ITSN1: variants seen among roughly 807,000 people sequenced by gnomAD.
ITSN1 encodes the protein intersectin 1.
In ITSN1, 58 loss-of-function variants were observed where a neutral mutation model predicts 239.8. The observed-to-expected ratio is 0.24, with a 90% CI of 0.20 to 0.30. The LOEUF (loss-of-function observed/expected upper bound fraction) is 0.30, where lower values mean the gene tolerates loss of function less well. Ranked by LOEUF, ITSN1 falls within the 10% of genes least tolerant of loss-of-function variation. The probability of loss-of-function intolerance (pLI) is 1.00; values close to 1 mark genes in which losing one functional copy is unlikely to be tolerated. For synonymous variants in ITSN1, 780 were observed against 770.8 expected (o/e 1.01, Z -0.20); for missense variants, 1,558 against 2,103.3 (o/e 0.74, Z 5.07).
intron 29 of ITSN1, among the ~76,000 whole-genome samples, chr21:33,844,760 C>T (rs1038109716): frequency 2.0e-5 from 3 of 152,090 alleles, no homozygotes; most frequent in African/African-American, 7.2e-5. Flanking sequence ...ATGCCTCTTT[C>T]CTCTCTGGAG....
intron 24 of ITSN1, among the ~76,000 whole-genome samples, chr21:33,819,839 G>A (rs1168724361): frequency 1.3e-5 from 2 of 151,738 alleles, no homozygotes; most frequent in African/African-American, 2.4e-5. Context: ...AAAATTAGCC[G>A]GGCGCGGTGG....
chr21:33,753,963 A>G (rs1000748240), intron 7 of ITSN1, among the ~76,000 whole-genome samples: 1 of 152,054 alleles, frequency 6.6e-6, no homozygotes, highest in African/African-American at 2.4e-5. Context: ...TTTCTAGCCA[A>G]TTTTTGCAAT....
At chr21:33,668,120 A>G (rs1206906176) in intron 1 of ITSN1, among the ~76,000 whole-genome samples, 1 of 152,192 alleles carries the variant, frequency 6.6e-6, no homozygotes, top group African/African-American at 2.4e-5. Flanking sequence ...TTGGAGCAAG[A>G]TGCATTTTCA....
intron 29 of ITSN1, among the ~76,000 whole-genome samples, chr21:33,845,078 A>C (rs2074949252): frequency 6.6e-6 from 1 of 151,944 alleles, no homozygotes; most frequent in African/African-American, 2.4e-5. Context: ...GGCCGTGCTC[A>C]GCAGAACACA....
chr21:33,748,772 G>A (rs1050763944), intron 5 of ITSN1, among the ~76,000 whole-genome samples: 1 of 151,902 alleles, frequency 6.6e-6, no homozygotes, highest in East Asian at 1.9e-4. Flanking sequence ...GGCTGAGCTG[G>A]GACGATCGCT....
chr21:33,790,882 G>A lies in ITSN1; in HGVS notation c.1825-3459G>A, dbSNP rs2071075649. Among the ~76,000 whole-genome samples, 6 of 152,040 alleles carry A rather than the reference G, an allele frequency of 3.9e-5. No homozygotes were observed. In the South Asian group the frequency reaches 1.2e-3, roughly 32 times the overall value. The stretch of plus-strand genomic sequence containing the variant: ...ACTTTGAATTTTTTTCTTTCTGAAG[G>A]AGTTAAAAGGATACTTCTTAATAAC... On this transcript the variant is annotated intron_variant, in intron 16 of 39. Transcript: ENST00000381318.
chr21:33,782,009 C>T lies in ITSN1; in HGVS notation c.1700C>T (p.Thr567Ile), dbSNP rs766425642. 1.2e-6 allele frequency: 2 copies of T among 1,603,656 alleles called. No homozygotes were observed. The highest frequency in any genetic ancestry group is 1.7e-6 in the Non-Finnish European group (2 of 1,177,562). ...TCTAAAATAGGAGATTCACTTGTTA[C>T]ACTTAAAAGAGCCTTAGAAGCAAAA... ...QNSLHRDSLVTLKRALEAKEL... is the reference protein window; with the variant it reads ...QNSLHRDSLVILKRALEAKEL... Residue 567 changes from threonine (T) to isoleucine (I), a missense_variant, in exon 16 of 40, where the codon ACA becomes ATA. By Grantham distance (89) the Thr-to-Ile change is moderately conservative. Around this residue, in one of 2 missense-constraint regions of ITSN1, gnomAD observed 982 missense variants for 1,209.9 expected, o/e 0.81. Transcript: ENST00000381318.
rs144686734 is a variant in ITSN1 at position 33,673,287 on chromosome 21, T to G, written c.-33+30574T>G. 7.7e-3 allele frequency among the ~76,000 whole-genome samples: 1,169 copies of G among 152,274 alleles called. 9 individuals carry two copies. The highest frequency in any genetic ancestry group is 0.029 in the South Asian group (140 of 4,828). On this transcript the variant is annotated intron_variant, in intron 1 of 39. Coordinates refer to ENST00000381318, the MANE Select transcript of ITSN1 (RefSeq NM_003024.3). ...TGGGAGATGTAGGTCAAAGTTGCAG[T>G]TACATAGGATGAATAAAACTAGAGA... is the stretch of plus-strand genomic sequence containing the variant.
At chr21:33,837,588 G>A (rs1228512154) in intron 29 of ITSN1, 1 of 985,874 alleles carries the variant, frequency 1.0e-6, no homozygotes, top group Non-Finnish European at 1.2e-6. Context: ...TATAGAATGA[G>A]CCCAATTAAA....
chr21:33,801,387 G>T (rs956765009), intron 19 of ITSN1, among the ~76,000 whole-genome samples: 2 of 152,186 alleles, frequency 1.3e-5, no homozygotes, highest in African/African-American at 4.8e-5. Context: ...ATGAATTCCT[G>T]TGTCCCCTTT....
At chr21:33,710,620 G>C (rs2146950157) in intron 1 of ITSN1, among the ~76,000 whole-genome samples, 1 of 151,606 alleles carries the variant, frequency 6.6e-6, no homozygotes, top group African/African-American at 2.4e-5. Flanking sequence ...TAGGGATCTT[G>C]TTCTATTATT....
Position 33,897,559 on chromosome 21 carries a change from T to C in ITSN1, c.*9259T>C, listed in dbSNP as rs1986855399. On this transcript the variant is annotated 3_prime_UTR_variant, in exon 40 of 40. Coordinates refer to ENST00000381318, the MANE Select transcript of ITSN1 (RefSeq NM_003024.3). ...AAGGGAAAAGGTTGTATTCATTTCA[T>C]GTTCCTCATGAAATCTCTGCTGTAT... 1 of 152,252 alleles carries C rather than the reference T, an allele frequency of 6.6e-6. No homozygotes were observed. The highest frequency in any genetic ancestry group is 2.4e-5 in the African/African-American group (1 of 41,472). 9.4% of individuals were successfully genotyped at this position (152,252 alleles called of 1,614,324 possible). A position where few individuals can be genotyped will look rare whatever the true frequency, so the allele number is the denominator to read the frequency against.
At chr21:33,825,830 A>G (rs903286657) in intron 25 of ITSN1, among the ~76,000 whole-genome samples, 1 of 152,152 alleles carries the variant, frequency 6.6e-6, no homozygotes, top group Non-Finnish European at 1.5e-5. Flanking sequence ...TTTAACCCGA[A>G]CTTTTCCTGG....
rs766906123 is a variant in ITSN1, at chr21:33,883,624, C to T, written c.4629C>T (p.Ser1543=). 4 of 1,613,782 alleles carry T rather than the reference C, an allele frequency of 2.5e-6. No homozygotes were observed. Among genetic ancestry groups the T allele is most frequent in the Non-Finnish European group, 2.5e-6 (3 of 1,179,838 alleles). Reference sequence around the variant, plus strand: ...GAGACGAGCCCATCTTCCACATCTCCCACATTGACCGCGTCTATACTCTCC... The same window carrying T: ...GAGACGAGCCCATCTTCCACATCTCTCACATTGACCGCGTCTATACTCTCC... ...PSGDEPIFHI[S]HIDRVYTLRA... The change falls in exon 36 of 40, where the codon TCC becomes TCT. Residue 1543 remains serine (S), a synonymous_variant. Transcript: ENST00000381318.
chr21:33,743,585 C>T (rs928970826), intron 5 of ITSN1, among the ~76,000 whole-genome samples: 2 of 152,064 alleles, frequency 1.3e-5, no homozygotes, highest in South Asian at 2.1e-4. Flanking sequence ...GAAAACTAAA[C>T]CAATGGAATA....
intron 1 of ITSN1, among the ~76,000 whole-genome samples, chr21:33,693,355 T>G (rs972090440): frequency 6.6e-6 from 1 of 151,464 alleles, no homozygotes; most frequent in African/African-American, 2.4e-5. Context: ...TTGTTTTGTT[T>G]TTTTTGGTGG....
chr21:33,797,396 A>G lies in ITSN1; in HGVS notation c.1970A>G (p.Asp657Gly). ...EEAQRRAQER[D>G]KQWLEHVQQE... is the part of the protein sequence containing the mutation. The stretch of plus-strand genomic sequence containing the variant: ...GTTGGCAGACGAGCTCAGGAAAGGG[A>G]CAAGCAGTGGCTGGAGCATGTGCAG... The change falls in exon 18 of 40, where the codon GAC becomes GGC. Residue 657 changes from aspartate (D) to glycine (G), a missense_variant. By Grantham distance (94) the Asp-to-Gly change is moderately conservative. Coordinates refer to ENST00000381318, the MANE Select transcript of ITSN1 (RefSeq NM_003024.3). The surrounding 1 kb of genome is among the most constrained non-coding windows in gnomAD (Gnocchi z 4.9). 1 of 1,613,918 alleles carries G rather than the reference A, an allele frequency of 6.2e-7. No individual in the cohort carries two copies. The highest frequency in any genetic ancestry group is 8.5e-7 in the Non-Finnish European group (1 of 1,179,886).
chr21:33,650,458 A>G (rs537151667), intron 1 of ITSN1, among the ~76,000 whole-genome samples: 1 of 152,268 alleles, frequency 6.6e-6, no homozygotes, highest in East Asian at 1.9e-4. Context: ...TGCAAGGCAA[A>G]TTTCCTGACC....
At chr21:33,852,254 A>T (rs73352174) in intron 29 of ITSN1, among the ~76,000 whole-genome samples, 3,373 of 152,188 alleles carry the variant, frequency 0.022, 133 homozygotes, top group African/African-American at 0.077. Flanking sequence ...GGCCCCTTTC[A>T]TACAGGAACA....
Sources: allele counts gnomAD v4.1 joint callset (sites outside exome capture counted in the v4.1 genomes callset), GRCh38; gene constraint gnomAD v4.1.1; regional missense constraint gnomAD v4.1.1; non-coding constraint Gnocchi (gnomAD v3.1); transcripts MANE v1.5; gene names NCBI Gene and HGNC (gene_info 2026-07-23, HGNC 2026-07-21).